Variants in ATP8B4 observed in about 807,000 individuals in gnomAD.
The protein encoded by ATP8B4 is probable phospholipid-transporting ATPase IM.
In ATP8B4, 133 loss-of-function variants were observed where a neutral mutation model predicts 145.6. The observed-to-expected ratio is 0.91, with a 90% CI of 0.79 to 1.05. The LOEUF is 1.05. Ranked by LOEUF, ATP8B4 falls within the 50% of genes least tolerant of loss-of-function variation. The pLI, the probability that ATP8B4 is intolerant of heterozygous loss-of-function variation, is 0.00. For missense variants in ATP8B4, 1,458 were observed against 1,425.2 expected (o/e 1.02, Z -0.37); for synonymous variants, 507 against 492.9 (o/e 1.03, Z -0.38).
chr15:50,051,361 T>C (rs2052173946), intron 3 of ATP8B4, among the ~76,000 whole-genome samples: 1 of 152,172 alleles, frequency 6.6e-6, no homozygotes, highest in South Asian at 2.1e-4. Context: ...CAGTCTCAGG[T>C]ATGTCTTTAT....
chr15:50,148,312 T>G (rs1186545792), intron 1 of ATP8B4, among the ~76,000 whole-genome samples: 5 of 152,294 alleles, frequency 3.3e-5, no homozygotes, highest in Non-Finnish European at 5.9e-5. Context: ...ATATTTAATA[T>G]TAAATGCAAT....
At chr15:49,983,321 T>C (rs1429248713) in intron 10 of ATP8B4, among the ~76,000 whole-genome samples, 2 of 152,166 alleles carry the variant, frequency 1.3e-5, no homozygotes, top group African/African-American at 4.8e-5. Context: ...CCTCCAAGCT[T>C]CTTATCTCAG....
intron 1 of ATP8B4, among the ~76,000 whole-genome samples, chr15:50,128,174 G>C (rs1447834194): frequency 2.6e-5 from 4 of 152,226 alleles, no homozygotes; most frequent in Non-Finnish European, 5.9e-5. Context: ...TCATGCCAGA[G>C]ACCAGCGAAA....
In ATP8B4 at chr15:49,861,260, C is replaced by T. The variant is rs573859079; in HGVS notation, c.3298-785G>A. On this transcript the variant is annotated intron_variant, in intron 27 of 27. Coordinates refer to ENST00000284509, the MANE Select transcript of ATP8B4 (RefSeq NM_024837.4). ...CACATCCTTCCTTCCTTAACTCATC[C>T]GCCATTTTCTGGGTTTATGTCAGAA... is the stretch of plus-strand genomic sequence containing the variant. Among the ~76,000 whole-genome samples the T allele has an allele frequency of 2.1e-4, 32 of 152,156 alleles. No individual in the cohort carries two copies. In the South Asian group the frequency reaches 3.9e-3, roughly 19 times the overall value.
intron 14 of ATP8B4, among the ~76,000 whole-genome samples, chr15:49,958,173 C>A (rs546964623): frequency 6.6e-6 from 1 of 151,332 alleles, no homozygotes; most frequent in African/African-American, 2.4e-5. Flanking sequence ...AATTTGAACT[C>A]ACTGATATTA....
rs73400806 is a variant in ATP8B4 at position 50,054,380 on chromosome 15, A to C, written c.88-6916T>G. ...GCCAAAAGAGTCACCATGGGTCCAA[A>C]AGACAGAAAGCTAGAAACATTAATG... On this transcript the variant is annotated intron_variant, in intron 3 of 27. Transcript: ENST00000284509. 3.9e-3 allele frequency among the ~76,000 whole-genome samples: 588 copies of C among 152,334 alleles called. 5 individuals carry two copies. The highest frequency in any genetic ancestry group is 0.014 in the African/African-American group (565 of 41,560).
At chr15:50,075,942 G>A (rs938438196) in intron 2 of ATP8B4, among the ~76,000 whole-genome samples, 7 of 152,182 alleles carry the variant, frequency 4.6e-5, no homozygotes, top group Admixed American at 1.3e-4. Flanking sequence ...TGGTAGGAGC[G>A]AGGGCTCTTC....
At chr15:50,054,902 C>A (rs538419007) in intron 3 of ATP8B4, among the ~76,000 whole-genome samples, 1 of 150,918 alleles carries the variant, frequency 6.6e-6, no homozygotes, top group African/African-American at 2.4e-5. Flanking sequence ...TCCCCATCAG[C>A]TAAACAATGT....
intron 1 of ATP8B4, among the ~76,000 whole-genome samples, chr15:50,139,968 A>G (rs995669824): frequency 2.6e-5 from 4 of 151,532 alleles, no homozygotes; most frequent in African/African-American, 9.7e-5. Context: ...GTAAGCTATG[A>G]GTACACAAAG....
chr15:50,122,004 C>T (rs545071495), upstream of ATP8B4, among the ~76,000 whole-genome samples: 6 of 152,220 alleles, frequency 3.9e-5, no homozygotes, highest in East Asian at 1.9e-4. Context: ...TTCATCAAAA[C>T]GAAGAGATGG....
chr15:50,089,604 T>A (rs2055460530), intron 2 of ATP8B4, among the ~76,000 whole-genome samples: 1 of 152,048 alleles, frequency 6.6e-6, no homozygotes, highest in South Asian at 2.1e-4. Context: ...TGGCAATTAT[T>A]AAAAAGTCAA....
intron 1 of ATP8B4, among the ~76,000 whole-genome samples, chr15:50,173,028 G>C (rs1018167909): frequency 8.0e-6 from 1 of 124,540 alleles, no homozygotes; most frequent in Admixed American, 7.8e-5. Context: ...GCCCCCATCC[G>C]GGAGGTGGGG....
intron 13 of ATP8B4, among the ~76,000 whole-genome samples, chr15:49,970,848 A>G (rs2045047578): frequency 1.3e-5 from 2 of 152,236 alleles, no homozygotes; most frequent in Non-Finnish European, 2.9e-5. Context: ...AGCTGGAGGC[A>G]TTACACTACC....
intron 3 of ATP8B4, among the ~76,000 whole-genome samples, chr15:50,050,418 C>T (rs1357336144): frequency 1.3e-5 from 2 of 152,122 alleles, no homozygotes; most frequent in Non-Finnish European, 2.9e-5. Context: ...AATCATCTTT[C>T]CCTTTCTATA....
intron 20 of ATP8B4, among the ~76,000 whole-genome samples, chr15:49,909,371 C>G (rs1396847713): frequency 1.3e-5 from 2 of 152,202 alleles, no homozygotes; most frequent in Non-Finnish European, 2.9e-5. Flanking sequence ...CTGCCAACAC[C>G]AGCATAGGCT....
At chr15:49,951,376 C>T (rs533710072) in intron 14 of ATP8B4, among the ~76,000 whole-genome samples, 4 of 152,256 alleles carry the variant, frequency 2.6e-5, no homozygotes, top group South Asian at 4.1e-4. Flanking sequence ...AATCTGGTTG[C>T]TCCTGTACTG....
At chr15:49,971,102 C>A (rs112209350) in intron 13 of ATP8B4, among the ~76,000 whole-genome samples, 32,434 of 152,148 alleles carry the variant, frequency 0.21, 4,583 homozygotes, top group Non-Finnish European at 0.3. Context: ...CTTCCTTACA[C>A]CTTATACAAA....
intron 6 of ATP8B4, among the ~76,000 whole-genome samples, chr15:50,032,203 G>T (rs1450402499): frequency 1.3e-5 from 2 of 151,122 alleles, no homozygotes; most frequent in Non-Finnish European, 2.9e-5. Flanking sequence ...CCCCCTGACA[G>T]GCCCTGGTGT....
In ATP8B4 at chr15:50,098,291, T is replaced by TGA. The variant is rs1399475400; in HGVS notation, c.28+8647_28+8648insTC. ...ATTTTTTTTTTTTTTTTTTTTTTTT[T>TGA]TTTTTTTTTTTTTTTTTTTAGATAG... On this transcript the variant is annotated intron_variant, in intron 2 of 27. Coordinates refer to ENST00000284509, the MANE Select transcript of ATP8B4 (RefSeq NM_024837.4). Among the ~76,000 whole-genome samples the TGA allele has an allele frequency of 8.5e-5, 10 of 117,648 alleles. No homozygotes were observed. The East Asian group carries it at 2.4e-3, about 28-fold the overall frequency. 77.2% of individuals were successfully genotyped at this position (117,648 alleles called of 152,430 possible).
Sources: allele counts gnomAD v4.1 joint callset (sites outside exome capture counted in the v4.1 genomes callset), GRCh38; gene constraint gnomAD v4.1.1; transcripts MANE v1.5; gene names NCBI Gene and HGNC (gene_info 2026-07-23, HGNC 2026-07-21).